TACC2: variants seen among roughly 807,000 people sequenced by gnomAD.
The protein encoded by TACC2 is transforming acidic coiled-coil-containing protein 2.
Under a neutral mutation model 227.3 loss-of-function variants are expected in TACC2, and 137 were observed. The ratio of observed to expected loss-of-function variants is 0.60; its 90% confidence interval spans 0.52 to 0.69. The LOEUF (loss-of-function observed/expected upper bound fraction) is 0.69, where lower values mean the gene tolerates loss of function less well. Ranked by LOEUF, TACC2 falls within the 30% of genes least tolerant of loss-of-function variation. TACC2 has a pLI of 0.00. For synonymous variants in TACC2, 1,523 were observed against 1,487.5 expected (o/e 1.02, Z -0.55); for missense variants, 3,470 against 3,694.4 (o/e 0.94, Z 1.57).
intron 5 of TACC2, among the ~76,000 whole-genome samples, chr10:122,131,045 G>C (rs1219572904): frequency 1.3e-5 from 2 of 152,110 alleles, no homozygotes; most frequent in African/African-American, 4.8e-5. Flanking sequence ...GGGCAAGGTG[G>C]CCCACGCCTA....
In TACC2 at chr10:122,216,650, A is replaced by G; in HGVS notation, c.7368A>G (p.Pro2456=). The change falls in exon 11 of 23, where the codon CCA becomes CCG. Residue 2456 remains proline (P), a synonymous_variant. Transcript: ENST00000369005. ...AGGACCCCACCCCAGCTGCTACACC[A>G]GAAACACCACCAGTGATCTCTGCGG... ...PSQDPTPAAT[P]ETPPVISAVV... The G allele has an allele frequency of 6.2e-7, 1 of 1,614,000 alleles. No homozygotes were observed. The highest frequency in any genetic ancestry group is 1.1e-5 in the South Asian group (1 of 91,064).
chr10:122,191,172 T>A (rs1403396887), intron 7 of TACC2, among the ~76,000 whole-genome samples: 1 of 151,942 alleles, frequency 6.6e-6, no homozygotes, highest in Admixed American at 6.6e-5. Flanking sequence ...GTCTGGAGTA[T>A]AGTTGTGCGA....
chr10:122,122,060 T>C (rs1443910116), intron 5 of TACC2, among the ~76,000 whole-genome samples: 2 of 152,116 alleles, frequency 1.3e-5, no homozygotes, highest in East Asian at 3.9e-4. Context: ...TCCTCTTCTA[T>C]AAAATAACTT....
intron 22 of TACC2, among the ~76,000 whole-genome samples, chr10:122,252,418 G>T (rs1485579117): frequency 6.6e-6 from 1 of 152,018 alleles, no homozygotes; most frequent in African/African-American, 2.4e-5. Context: ...CTCACGGTGG[G>T]CACTCCAATA....
intron 16 of TACC2, among the ~76,000 whole-genome samples, chr10:122,236,285 A>G (rs945962548): frequency 4.6e-5 from 7 of 151,626 alleles, no homozygotes; most frequent in South Asian, 2.1e-4. Context: ...CTCTCTCTCT[A>G]CTACACTGTG....
intron 3 of TACC2, among the ~76,000 whole-genome samples, chr10:122,053,214 G>C (rs143875467): frequency 6.6e-5 from 10 of 152,264 alleles, no homozygotes; most frequent in African/African-American, 2.4e-4. Context: ...CACAATCACG[G>C]TGGAAGGCAA....
intron 1 of TACC2, among the ~76,000 whole-genome samples, chr10:122,018,334 C>T (rs920254125): frequency 6.6e-6 from 1 of 152,080 alleles, no homozygotes; most frequent in East Asian, 1.9e-4. Context: ...ATTCTTTTTT[C>T]AAACAATGTC....
Position 122,087,092 on chromosome 10 carries a change from C to G in TACC2, c.4592C>G (p.Pro1531Arg), listed in dbSNP as rs2080170511. The G allele has an allele frequency of 6.2e-7, 1 of 1,611,268 alleles. No individual in the cohort carries two copies. Among genetic ancestry groups the G allele is most frequent in the African/African-American group, 1.3e-5 (1 of 74,822 alleles). ...CCCACACTGAGGGAAGACGAGAGGC[C>G]AGAGGGGCCTGGGGCAGCCTGGCCA... ...VPPTLREDER[P>R]EGPGAAWPGL... Residue 1531 changes from proline to arginine, a missense_variant, in exon 4 of 23, where the codon CCA becomes CGA. Around this residue, in one of 10 missense-constraint regions of TACC2, gnomAD observed 1,924 missense variants for 1,978.3 expected, o/e 0.97. Coordinates refer to ENST00000369005, the MANE Select transcript of TACC2 (RefSeq NM_206862.4).
intron 5 of TACC2, among the ~76,000 whole-genome samples, chr10:122,124,690 C>T (rs1414379991): frequency 6.6e-6 from 1 of 152,160 alleles, no homozygotes; most frequent in African/African-American, 2.4e-5. Context: ...CGCCTTTGCC[C>T]AAGAAGTTCT....
chr10:122,132,868 A>T, intron 6 of TACC2, 134 bp downstream of exon 6: 1 of 876,460 alleles, frequency 1.1e-6, no homozygotes, highest in Non-Finnish European at 1.8e-6. Context: ...ACACACACAC[A>T]GGGTGTGCAC....
intron 1 of TACC2, among the ~76,000 whole-genome samples, chr10:121,995,517 C>T (rs1590834170): frequency 6.6e-6 from 1 of 152,192 alleles, no homozygotes; most frequent in African/African-American, 2.4e-5. Context: ...CCTCCCAGTT[C>T]TAGTGGCATG....
rs568109094 is a variant in TACC2, at chr10:122,200,558, C to T, written c.5971+5382C>T. On this transcript the variant is annotated intron_variant, in intron 8 of 22. Coordinates refer to ENST00000369005, the MANE Select transcript of TACC2 (RefSeq NM_206862.4). The stretch of plus-strand genomic sequence containing the variant: ...CAGTTACCTCACCTGCCCACAGTGG[C>T]TGCGTTCACATGGGGAGGACGGCCA... Among the ~76,000 whole-genome samples, 4 of 148,838 alleles carry T rather than the reference C, an allele frequency of 2.7e-5. No individual in the cohort carries two copies. In the South Asian group the frequency reaches 8.4e-4, roughly 31 times the overall value.
intron 19 of TACC2, among the ~76,000 whole-genome samples, chr10:122,243,626 A>G (rs536683712): frequency 1.3e-5 from 2 of 152,254 alleles, no homozygotes; most frequent in African/African-American, 2.4e-5. Flanking sequence ...TAAAAAAAAA[A>G]ACTCTTGGAG....
intron 16 of TACC2, among the ~76,000 whole-genome samples, chr10:122,232,524 G>A (rs895428264): frequency 5.3e-5 from 8 of 152,202 alleles, no homozygotes; most frequent in African/African-American, 1.2e-4. Flanking sequence ...TATATAGGTC[G>A]GAGAGGCAGC....
At chr10:122,139,818 CT>C (rs2090269093) in intron 6 of TACC2, among the ~76,000 whole-genome samples, 1 of 152,184 alleles carries the variant, frequency 6.6e-6, no homozygotes, top group Admixed American at 6.5e-5. Flanking sequence ...GCCAACAGGA[CT>C]GATGTGTTTG....
In TACC2 at chr10:122,229,555, C is replaced by A. The variant is rs1469811620; in HGVS notation, c.8037+69C>A. On this transcript the variant is annotated intron_variant, in intron 15 of 22. Transcript: ENST00000369005. ...CAGTAGAGAATGAACCCCCGAGGCC[C>A]AAATGAAATAAGGCAGGATTTGATG... 6 of 1,563,474 alleles carry A rather than the reference C, an allele frequency of 3.8e-6. No individual in the cohort carries two copies. In the Admixed American group the frequency reaches 8.9e-5, roughly 23 times the overall value.
At chr10:122,221,065 C>T (rs2095515365) in intron 11 of TACC2, among the ~76,000 whole-genome samples, 1 of 152,222 alleles carries the variant, frequency 6.6e-6, no homozygotes, top group South Asian at 2.1e-4. Flanking sequence ...TGTTGCAGAG[C>T]TTCAAGTTGT....
intron 6 of TACC2, 113 bp downstream of exon 6, chr10:122,132,847 AC>A (rs11300506): frequency 0.062 from 67,412 of 1,090,926 alleles, 4,183 homozygotes; most frequent in African/African-American, 0.29. Flanking sequence ...CTGCAGTTTC[AC>A]CCCCTCTGCA....
intron 5 of TACC2, among the ~76,000 whole-genome samples, chr10:122,103,489 C>T (rs554221377): frequency 1.9e-4 from 29 of 152,280 alleles, no homozygotes; most frequent in Admixed American, 1.4e-3. Flanking sequence ...ACAAATGGTG[C>T]ATAATATTAT....
Sources: allele counts gnomAD v4.1 joint callset (sites outside exome capture counted in the v4.1 genomes callset), GRCh38; gene constraint gnomAD v4.1.1; regional missense constraint gnomAD v4.1.1; transcripts MANE v1.5; gene names NCBI Gene and HGNC (gene_info 2026-07-23, HGNC 2026-07-21).